The following PIP4P2 variants were observed in gnomAD, a reference collection of about 807,000 sequenced individuals.
PIP4P2 encodes the protein phosphatidylinositol-4,5-bisphosphate 4-phosphatase 2.
A neutral mutation model predicts 33.3 loss-of-function variants in PIP4P2; 19 were observed. The ratio of observed to expected loss-of-function variants is 0.57; its 90% confidence interval spans 0.40 to 0.84. PIP4P2 has a LOEUF of 0.84. Among genes scored for constraint, PIP4P2 ranks in the 40% least tolerant of loss-of-function variants. The probability of loss-of-function intolerance (pLI) is 0.00; values close to 1 mark genes in which losing one functional copy is unlikely to be tolerated. For synonymous variants in PIP4P2, 110 were observed against 111.9 expected, an observed-to-expected ratio of 0.98 and a Z score of 0.11; for missense variants, 270 against 324.7, an observed-to-expected ratio of 0.83 and a Z score of 1.29.
chr8:91,014,951 A>C (rs111461345), intron 4 of PIP4P2, among the ~76,000 whole-genome samples: 4 of 152,264 alleles, frequency 2.6e-5, no homozygotes, highest in Admixed American at 6.5e-5. Context: ...AAACAGAAGT[A>C]TTGATTGCAA....
At chr8:91,037,015 G>C (rs1260391219) in intron 1 of PIP4P2, among the ~76,000 whole-genome samples, 1 of 152,150 alleles carries the variant, frequency 6.6e-6, no homozygotes, top group Non-Finnish European at 1.5e-5. Flanking sequence ...TACATGACAA[G>C]TTACTTTCCC....
At chr8:91,034,547 T>TAGCAC in intron 1 of PIP4P2, among the ~76,000 whole-genome samples, 1 of 152,334 alleles carries the variant, frequency 6.6e-6, no homozygotes, top group Middle Eastern at 3.4e-3. Context: ...AGCATTAGCA[T>TAGCAC]AGCACAATAG....
chr8:91,035,024 T>C (rs1264435982), intron 1 of PIP4P2, among the ~76,000 whole-genome samples: 3 of 152,218 alleles, frequency 2.0e-5, no homozygotes, highest in Non-Finnish European at 4.4e-5. Flanking sequence ...ACCTATTTAC[T>C]GTAGGATTTC....
intron 6 of PIP4P2, 131 bp from the exon 7 acceptor site, chr8:90,995,951 G>A: frequency 4.0e-6 from 4 of 1,008,028 alleles, no homozygotes; most frequent in Non-Finnish European, 5.5e-6. Flanking sequence ...GTCCTTATAA[G>A]AGTAGGTGTA....
chr8:91,011,412 T>A (rs1365580246), intron 4 of PIP4P2, among the ~76,000 whole-genome samples: 1 of 152,094 alleles, frequency 6.6e-6, no homozygotes, highest in African/African-American at 2.4e-5. Context: ...AAAGGCTTTA[T>A]AAGTCAATTC....
chr8:91,027,233 T>C (rs1241989211), intron 1 of PIP4P2, among the ~76,000 whole-genome samples: 1 of 152,158 alleles, frequency 6.6e-6, no homozygotes, highest in Non-Finnish European at 1.5e-5. Context: ...TGCAAATAAG[T>C]GGAACTCTAA....
chr8:91,038,596 T>C (rs916895708), intron 1 of PIP4P2, among the ~76,000 whole-genome samples: 2 of 152,212 alleles, frequency 1.3e-5, no homozygotes, highest in Non-Finnish European at 2.9e-5. Flanking sequence ...GAGCAGTGTA[T>C]GGCACATTGT....
At chr8:91,025,368 T>C (rs1334740479) in intron 1 of PIP4P2, among the ~76,000 whole-genome samples, 2 of 152,174 alleles carry the variant, frequency 1.3e-5, no homozygotes, top group African/African-American at 2.4e-5. Flanking sequence ...AGTGATCAGA[T>C]TACATTTCTC....
chr8:91,010,979 A>T, intron 4 of PIP4P2, among the ~76,000 whole-genome samples: 1 of 149,242 alleles, frequency 6.7e-6, no homozygotes, highest in Non-Finnish European at 1.5e-5. Flanking sequence ...AAAAAGCTAT[A>T]TTGCTTAAAA....
chr8:91,029,197 A>G (rs1452695202), intron 1 of PIP4P2, among the ~76,000 whole-genome samples: 1 of 152,136 alleles, frequency 6.6e-6, no homozygotes, highest in Non-Finnish European at 1.5e-5. Context: ...AGGCTGAGGC[A>G]GGAGAATCAC....
intron 4 of PIP4P2, among the ~76,000 whole-genome samples, chr8:91,017,749 T>A (rs1394349643): frequency 1.3e-5 from 2 of 152,118 alleles, no homozygotes; most frequent in African/African-American, 2.4e-5. Flanking sequence ...GGCTGAACAA[T>A]AAAAGAAAAC....
chr8:91,004,319 T>C (rs1481237968), intron 5 of PIP4P2, among the ~76,000 whole-genome samples: 1 of 145,720 alleles, frequency 6.9e-6, no homozygotes, highest in Non-Finnish European at 1.5e-5. Flanking sequence ...TTTCCACTGC[T>C]TTTTTTTTTT....
At chr8:91,018,178 A>T (rs1289596626) in intron 4 of PIP4P2, among the ~76,000 whole-genome samples, 2 of 152,146 alleles carry the variant, frequency 1.3e-5, no homozygotes, top group Non-Finnish European at 2.9e-5. Flanking sequence ...TCCTTTTTGC[A>T]ACTGGACTTA....
At chr8:91,032,328 A>G (rs1812174012) in intron 1 of PIP4P2, among the ~76,000 whole-genome samples, 1 of 152,234 alleles carries the variant, frequency 6.6e-6, no homozygotes. Context: ...TTCAAAAGCA[A>G]CATAAACTCC....
intron 3 of PIP4P2, among the ~76,000 whole-genome samples, chr8:91,019,424 AT>A (rs71510467): frequency 0.11 from 6,265 of 57,084 alleles, 891 homozygotes; most frequent in Non-Finnish European, 0.19. Flanking sequence ...AAAAAAAAAA[AT>A]ATATTACCTG....
At chr8:90,999,052 A>G (rs1161365969) in intron 5 of PIP4P2, among the ~76,000 whole-genome samples, 1 of 152,012 alleles carries the variant, frequency 6.6e-6, no homozygotes, top group Non-Finnish European at 1.5e-5. Context: ...TCCAGCATCT[A>G]TAAGAACTTA....
chr8:91,039,543 A>G (rs1424228084), intron 1 of PIP4P2, among the ~76,000 whole-genome samples: 1 of 152,230 alleles, frequency 6.6e-6, no homozygotes, highest in Non-Finnish European at 1.5e-5. Context: ...TTGAACTTAA[A>G]AACTTGTATT....
intron 1 of PIP4P2, among the ~76,000 whole-genome samples, chr8:91,029,085 G>C (rs1812121738): frequency 6.6e-6 from 1 of 152,096 alleles, no homozygotes; most frequent in South Asian, 2.1e-4. Flanking sequence ...GAGGTCAGCA[G>C]TTAGAGACCA....
chr8:91,036,014 GA>G (rs374476390), intron 1 of PIP4P2, among the ~76,000 whole-genome samples: 5 of 145,048 alleles, frequency 3.4e-5, no homozygotes, highest in Non-Finnish European at 6.1e-5. Context: ...CCTGTCTCAA[GA>G]AAAAAAAAAC....
Sources: allele counts gnomAD v4.1 joint callset (sites outside exome capture counted in the v4.1 genomes callset), GRCh38; gene constraint gnomAD v4.1.1; transcripts MANE v1.5; gene names NCBI Gene and HGNC (gene_info 2026-07-23, HGNC 2026-07-21).